The following METTL15 variants were observed in gnomAD, a reference collection of about 807,000 sequenced individuals.
METTL15 encodes 12S rRNA N(4)-cytidine methyltransferase METTL15.
Under a neutral mutation model 38.3 loss-of-function variants are expected in METTL15, and 34 were observed. The ratio of observed to expected loss-of-function variants is 0.89; its 90% confidence interval spans 0.68 to 1.18. The LOEUF (loss-of-function observed/expected upper bound fraction) is 1.18, where lower values mean the gene tolerates loss of function less well. Among genes scored for constraint, METTL15 ranks in the 50% most tolerant of loss-of-function variants. The probability of loss-of-function intolerance (pLI) is 0.00; values close to 1 mark genes in which losing one functional copy is unlikely to be tolerated. For missense variants in METTL15, 438 were observed against 498.4 expected, an observed-to-expected ratio of 0.88 and a Z score of 1.15; for synonymous variants, 162 against 170.9, an observed-to-expected ratio of 0.95 and a Z score of 0.41.
chr11:28,180,837 A>T (rs1851255811), intron 3 of METTL15, among the ~76,000 whole-genome samples: 1 of 151,970 alleles, frequency 6.6e-6, no homozygotes, highest in African/African-American at 2.4e-5. Flanking sequence ...GACTTAAATA[A>T]GAAAAATGAA....
intron 4 of METTL15, 51 bp downstream of exon 4, chr11:28,211,249 A>AGC: frequency 6.5e-7 from 1 of 1,548,042 alleles, no homozygotes; most frequent in Admixed American, 1.9e-5. Flanking sequence ...AGTTTTACAG[A>AGC]GCTTGGTTTA....
chr11:28,108,435 C>G lies in METTL15; in HGVS notation c.-271C>G, dbSNP rs3812738. 6.6e-6 allele frequency: 1 copy of G among 152,286 alleles called. No homozygotes were observed. Among genetic ancestry groups the G allele is most frequent in the South Asian group, 2.1e-4 (1 of 4,846 alleles). 9.4% of individuals were successfully genotyped at this position (152,286 alleles called of 1,614,324 possible). On this transcript the variant is annotated 5_prime_UTR_variant, in exon 1 of 7. Coordinates refer to ENST00000407364, the MANE Select transcript of METTL15 (RefSeq NM_001113528.2). ...TCCTGTAGACCGGCGGGTGCAGGGC[C>G]CGGTCCCAGAGTTAAGGGTGTGAGT...
intron 4 of METTL15, among the ~76,000 whole-genome samples, chr11:28,256,921 G>A (rs748450887): frequency 2.6e-5 from 4 of 152,006 alleles, no homozygotes; most frequent in African/African-American, 4.8e-5. Context: ...TTTGTTTCAA[G>A]AATTTTTCAG....
At chr11:28,371,342 T>C (rs1407301006) in intron 5 of METTL15, among the ~76,000 whole-genome samples, 2 of 152,108 alleles carry the variant, frequency 1.3e-5, no homozygotes, top group Admixed American at 6.6e-5. Flanking sequence ...GCCATAAATG[T>C]ATGGATTTAT....
intron 4 of METTL15, among the ~76,000 whole-genome samples, chr11:28,244,092 A>G (rs1854414957): frequency 6.6e-6 from 1 of 152,212 alleles, no homozygotes; most frequent in Non-Finnish European, 1.5e-5. Flanking sequence ...AGATTTATTC[A>G]TAGATTGTTT....
intron 5 of METTL15, among the ~76,000 whole-genome samples, chr11:28,383,350 T>C (rs555327078): frequency 1.3e-5 from 2 of 152,360 alleles, no homozygotes; most frequent in Non-Finnish European, 2.9e-5. Flanking sequence ...CTTTATTTTC[T>C]TTATTCAGTT....
chr11:28,497,452 C>T (rs531528190), intron 6 of METTL15, among the ~76,000 whole-genome samples: 1 of 152,234 alleles, frequency 6.6e-6, no homozygotes, highest in East Asian at 1.9e-4. Flanking sequence ...TTTTCAAAGA[C>T]AAAAAATGAA....
intron 4 of METTL15, among the ~76,000 whole-genome samples, chr11:28,237,139 A>C (rs1031932800): frequency 6.6e-4 from 100 of 152,188 alleles, no homozygotes; most frequent in Non-Finnish European, 1.0e-3. Context: ...CTGAATCTGA[A>C]TGTTGGCCTG....
At chr11:28,310,082 T>G (rs552772645) in intron 6 of METTL15, among the ~76,000 whole-genome samples, 12 of 152,126 alleles carry the variant, frequency 7.9e-5, no homozygotes, top group Admixed American at 2.6e-4. Flanking sequence ...TAAAGAAACC[T>G]AGGCACCTAT....
At chr11:28,435,585 T>C (rs1289168834) in intron 6 of METTL15, among the ~76,000 whole-genome samples, 2 of 152,180 alleles carry the variant, frequency 1.3e-5, no homozygotes, top group African/African-American at 4.8e-5. Context: ...TTCCTGCCTA[T>C]AGAAAATTAG....
chr11:28,506,772 T>G (rs1851631419), intron 6 of METTL15, among the ~76,000 whole-genome samples: 1 of 139,808 alleles, frequency 7.2e-6, no homozygotes. Flanking sequence ...TGAGACAGAG[T>G]CTCACTCTGT....
intron 3 of METTL15, among the ~76,000 whole-genome samples, chr11:28,154,881 C>T (rs1262360552): frequency 6.6e-6 from 1 of 152,070 alleles, no homozygotes. Context: ...GAATTTGTGC[C>T]ATTCTCAGTA....
intron 4 of METTL15, among the ~76,000 whole-genome samples, chr11:28,221,719 A>G (rs1186256793): frequency 6.6e-6 from 1 of 152,104 alleles, no homozygotes; most frequent in Non-Finnish European, 1.5e-5. Flanking sequence ...GGTGATGTAC[A>G]GATGGGGTTT....
intron 6 of METTL15, among the ~76,000 whole-genome samples, chr11:28,309,422 C>G (rs750334108): frequency 4.6e-5 from 7 of 152,214 alleles, no homozygotes; most frequent in African/African-American, 9.6e-5. Flanking sequence ...TACTTCATCT[C>G]TTACTATTTA....
chr11:28,157,962 C>T (rs572501220), intron 3 of METTL15, among the ~76,000 whole-genome samples: 4 of 152,166 alleles, frequency 2.6e-5, no homozygotes, highest in Non-Finnish European at 5.9e-5. Flanking sequence ...CCCTGAAGGA[C>T]GGCGGTGAAG....
intron 6 of METTL15, among the ~76,000 whole-genome samples, chr11:28,474,217 AAT>A (rs1851326540): frequency 6.6e-6 from 1 of 151,770 alleles, no homozygotes; most frequent in South Asian, 2.1e-4. Flanking sequence ...ATACATATTA[AAT>A]ATGTCTATAT....
chr11:28,119,479 T>G (rs183634740), intron 3 of METTL15, among the ~76,000 whole-genome samples: 131 of 152,238 alleles, frequency 8.6e-4, no homozygotes, highest in African/African-American at 3.1e-3. Context: ...CCAGGTCTGA[T>G]CAAGTAACTG....
chr11:28,526,308 AGCGAGGGCT>A (rs1851811672), intron 6 of METTL15, among the ~76,000 whole-genome samples: 4 of 152,326 alleles, frequency 2.6e-5, no homozygotes, highest in African/African-American at 9.6e-5. Context: ...GCCAAGAGTG[AGCGAGGGCT>A]GCGAGGGCTG....
rs554611444 is a variant in METTL15, at chr11:28,373,455, T to C, written c.*358+11419T>C. Among the ~76,000 whole-genome samples the C allele has an allele frequency of 7.2e-5, 11 of 152,210 alleles. No homozygotes were observed. In the East Asian group the frequency reaches 2.1e-3, roughly 29 times the overall value. ...TGTCTGTTCATGTCCTTCGCCCACT[T>C]TTTGATGGGGTTGTTTTTTTCTTGT... On this transcript the variant is annotated intron_variant and NMD_transcript_variant, in intron 5 of 7. Transcript: ENST00000532947.
Sources: gnomAD v4.1 joint callset for allele counts (sites outside exome capture counted in the v4.1 genomes callset) on GRCh38, gnomAD v4.1.1 for gene constraint, MANE v1.5 for transcripts, NCBI Gene and HGNC (gene_info 2026-07-23, HGNC 2026-07-21) for gene names.